Variants in ACSF3 observed in about 807,000 individuals in gnomAD.
The protein encoded by ACSF3 is malonate--CoA ligase ACSF3, mitochondrial.
ACSF3 carries 78 observed loss-of-function variants against 53.2 expected under a neutral mutation model. The observed-to-expected ratio is 1.47, with a 90% confidence interval of 1.22 to 1.77. The LOEUF (loss-of-function observed/expected upper bound fraction) is 1.77. ACSF3 is among the 40% of genes most tolerant of loss of function. The pLI, the probability that ACSF3 is intolerant of heterozygous loss-of-function variation, is 0.00. For missense variants in ACSF3, 937 were observed against 771.1 expected (o/e 1.22, Z -2.55); for synonymous variants, 414 against 333.1 (o/e 1.24, Z -2.65).
At chr16:89,140,340 G>T (rs879493392) in intron 8 of ACSF3, among the ~76,000 whole-genome samples, 9 of 152,162 alleles carry the variant, frequency 5.9e-5, no homozygotes, top group Non-Finnish European at 8.8e-5. Flanking sequence ...ACACACACAG[G>T]CACCTGTTCC....
chr16:89,106,856 G>A lies in ACSF3; in HGVS notation c.822+4097G>A, dbSNP rs574824690. 7.9e-4 allele frequency among the ~76,000 whole-genome samples: 120 copies of A among 152,344 alleles called. 1 individual carries two copies. Among genetic ancestry groups the A allele is most frequent in the African/African-American group, 2.6e-3 (108 of 41,588 alleles). On this transcript the variant is annotated intron_variant, in intron 4 of 10. Transcript: ENST00000614302. ...AGTCATCCTGCACAGAGGGCCGTGG[G>A]TGTCAGTGCCTGCAGGTGACGGATG...
intron 10 of ACSF3, chr16:89,151,108 G>A (rs950823942): frequency 1.3e-5 from 15 of 1,188,302 alleles, no homozygotes; most frequent in Non-Finnish European, 1.7e-5. Flanking sequence ...TCAGGCATGC[G>A]GGCTCTGACG....
intron 10 of ACSF3, chr16:89,153,374 C>G (rs1420445339): frequency 6.4e-6 from 1 of 155,264 alleles, no homozygotes; most frequent in Non-Finnish European, 1.4e-5. Context: ...GTTTCAGATC[C>G]CAGCGCCTCG....
Position 89,154,064 on chromosome 16 carries a change from G to A in ACSF3, c.1614-26G>A, listed in dbSNP as rs377349317. ...CTGCTGGGCACTGTCAGGGCAGTGC[G>A]CCTCAGGCTGTGCTTGTCTCTGCAG... On this transcript the variant is annotated intron_variant, in intron 10 of 10. Coordinates refer to ENST00000614302, the MANE Select transcript of ACSF3 (RefSeq NM_001243279.3). 128 of 1,605,610 alleles carry A rather than the reference G, an allele frequency of 8.0e-5. 1 individual carries two copies. The Middle Eastern group carries it at 8.3e-4, about 10-fold the overall frequency.
chr16:89,098,964 G>A (rs971289460), intron 2 of ACSF3, among the ~76,000 whole-genome samples: 7 of 152,320 alleles, frequency 4.6e-5, no homozygotes, highest in East Asian at 3.9e-4. Context: ...ACTACGCTTC[G>A]GCCACAGGCC....
rs567813723 is a variant in ACSF3 at position 89,139,008 on chromosome 16, G to T, written c.1366+5746G>T. Among the ~76,000 whole-genome samples, 415 of 152,300 alleles carry T rather than the reference G, an allele frequency of 2.7e-3. 1 individual carries two copies. The highest frequency in any genetic ancestry group is 9.6e-3 in the African/African-American group (399 of 41,562). Reference sequence around the variant, plus strand: ...GTGCGGTCCCCGCATCCCGAGGGCCGCCAGCACCGCCACCTCCAGGCTCCT... The same window carrying T: ...GTGCGGTCCCCGCATCCCGAGGGCCTCCAGCACCGCCACCTCCAGGCTCCT... On this transcript the variant is annotated intron_variant, in intron 8 of 10. Transcript: ENST00000614302.
In ACSF3 at chr16:89,133,205, T is replaced by C. The variant is rs1188211823; in HGVS notation, c.1309T>C (p.Trp437Arg). 6.2e-7 allele frequency: 1 copy of C among 1,613,978 alleles called. No homozygotes were observed. The highest frequency in any genetic ancestry group is 8.5e-7 in the Non-Finnish European group (1 of 1,180,032). The stretch of plus-strand genomic sequence containing the variant: ...GGGACCCTCCGTGTTTCGAGAATAC[T>C]GGAATAAACCAGAAGAAACTAAGAG... ...VRGPSVFREY[W>R]NKPEETKSAF... Residue 437 changes from tryptophan to arginine, a missense_variant, in exon 8 of 11, where the codon TGG becomes CGG. By Grantham distance (101) the Trp-to-Arg change is moderately radical. Coordinates refer to ENST00000614302, the MANE Select transcript of ACSF3 (RefSeq NM_001243279.3).
Position 89,114,320 on chromosome 16 carries a change from C to T in ACSF3, c.978-19C>T, listed in dbSNP as rs769697688. ...CCACGTCCCAAGGGGCTAAACCTGC[C>T]TTTGGTTGTGCCGCGTAGGCTGATG... On this transcript the variant is annotated intron_variant, in intron 5 of 10. Coordinates refer to ENST00000614302, the MANE Select transcript of ACSF3 (RefSeq NM_001243279.3). 37 of 1,613,830 alleles carry T rather than the reference C, an allele frequency of 2.3e-5. 1 individual carries two copies. The Middle Eastern group carries it at 8.2e-4, about 36-fold the overall frequency.
chr16:89,098,551 A>G (rs1157970747), intron 1 of ACSF3, 40 bp from the exon 2 acceptor site: 1 of 429,572 alleles, frequency 2.3e-6, no homozygotes, highest in East Asian at 7.2e-5. Flanking sequence ...GAAGCGTTAT[A>G]CACACAGCCT....
Position 89,100,724 on chromosome 16 carries a change from G to C in ACSF3, c.43G>C (p.Ala15Pro), listed in dbSNP as rs375374971. 1 of 1,603,014 alleles carries C rather than the reference G, an allele frequency of 6.2e-7. No individual in the cohort carries two copies. Among genetic ancestry groups the C allele is most frequent in the Non-Finnish European group, 8.5e-7 (1 of 1,179,588 alleles). ...GCTCACCTTCCGGCGCCTGGGCTGC[G>C]CCTTGGCGTCCTGCCGGCTGGCGCC... ...VVLTFRRLGC[A>P]LASCRLAPAR... is the part of the protein sequence containing the mutation. Residue 15 changes from alanine to proline, a missense_variant, in exon 3 of 11, where the codon GCC (alanine) becomes CCC (proline). Transcript: ENST00000614302.
Position 89,155,735 on chromosome 16 carries a change from A to G in ACSF3, c.*1528A>G, listed in dbSNP as rs901116417. The G allele has an allele frequency of 2.2e-6, 1 of 453,986 alleles. No homozygotes were observed. 28.1% of individuals were successfully genotyped at this position (453,986 alleles called of 1,614,324 possible). A position where few individuals can be genotyped will look rare whatever the true frequency, so the allele number is the denominator to read the frequency against. ...CTGTTGGGAAAAGGTCAAATTTAAC[A>G]TAGCAAAATTTTTACTTAATTCCAC... On this transcript the variant is annotated 3_prime_UTR_variant, in exon 11 of 11. Coordinates refer to ENST00000614302, the MANE Select transcript of ACSF3 (RefSeq NM_001243279.3).
intron 8 of ACSF3, among the ~76,000 whole-genome samples, chr16:89,133,956 T>C (rs1284448994): frequency 6.6e-6 from 1 of 152,188 alleles, no homozygotes; most frequent in African/African-American, 2.4e-5. Flanking sequence ...GAGCCTGCCC[T>C]GAGCTGCTGC....
rs887940731 is a variant in ACSF3 at position 89,156,027 on chromosome 16, A to G, written c.*1820A>G. Among the ~76,000 whole-genome samples, 2 of 152,302 alleles carry G rather than the reference A, an allele frequency of 1.3e-5. No individual in the cohort carries two copies. The highest frequency in any genetic ancestry group is 4.8e-5 in the African/African-American group (2 of 41,570). Reference sequence around the variant, plus strand: ...CCGGTTGACCAGAATACGGTGCTCCAAGGACATGCGGTTGAATGCCGTGTT... The same window carrying G: ...CCGGTTGACCAGAATACGGTGCTCCGAGGACATGCGGTTGAATGCCGTGTT... On this transcript the variant is annotated 3_prime_UTR_variant, in exon 11 of 11. Transcript: ENST00000614302.
chr16:89,124,454 G>A (rs150159036), intron 7 of ACSF3, among the ~76,000 whole-genome samples: 23 of 149,596 alleles, frequency 1.5e-4, no homozygotes, highest in African/African-American at 2.2e-4. Flanking sequence ...ATACCCGTGC[G>A]TACTCTGCGC....
In ACSF3 at chr16:89,100,723, C is replaced by T. The variant is rs756300619; in HGVS notation, c.42C>T (p.Cys14=). The change falls in exon 3 of 11, where the codon TGC becomes TGT. Residue 14 remains cysteine (C), a synonymous_variant. Coordinates refer to ENST00000614302, the MANE Select transcript of ACSF3 (RefSeq NM_001243279.3). ...HVVLTFRRLG[C]ALASCRLAPA... Reference sequence around the variant, plus strand: ...TGCTCACCTTCCGGCGCCTGGGCTGCGCCTTGGCGTCCTGCCGGCTGGCGC... The same window carrying T: ...TGCTCACCTTCCGGCGCCTGGGCTGTGCCTTGGCGTCCTGCCGGCTGGCGC... The T allele has an allele frequency of 3.1e-5, 49 of 1,602,930 alleles. No individual in the cohort carries two copies. The highest frequency in any genetic ancestry group is 2.8e-4 in the African/African-American group (21 of 74,932).
Position 89,146,007 on chromosome 16 carries a change from A to G in ACSF3, c.1571A>G (p.Glu524Gly), listed in dbSNP as rs755493108. The G allele has an allele frequency of 1.2e-6, 2 of 1,605,356 alleles. No homozygotes were observed. The highest frequency in any genetic ancestry group is 1.7e-6 in the Non-Finnish European group (2 of 1,174,874). ...GTCACTGCTGTGGTGACCCTCCGAG[A>G]AGGACACTCACTGTCCCACAGGGAG... The part of the protein sequence containing the change: ...QRVTAVVTLR[E>G]GHSLSHRELK... Residue 524 changes from glutamate (E) to glycine (G), a missense_variant, in exon 10 of 11, where the codon GAA (glutamate) becomes GGA (glycine). Coordinates refer to ENST00000614302, the MANE Select transcript of ACSF3 (RefSeq NM_001243279.3).
Position 89,122,009 on chromosome 16 carries a change from C to T in ACSF3, c.1239+1096C>T, listed in dbSNP as rs543164851. Among the ~76,000 whole-genome samples the T allele has an allele frequency of 7.3e-5, 11 of 151,414 alleles. No individual in the cohort carries two copies. In the South Asian group the frequency reaches 1.5e-3, roughly 20 times the overall value. On this transcript the variant is annotated intron_variant, in intron 7 of 10. Transcript: ENST00000614302. ...TGGGCCCCCCGCAGTGGGCTGTTAT[C>T]CCCCGTGGCCCTGAAGTGGGTATTC...
rs370947288 is a variant in ACSF3, at chr16:89,154,199, C to T, written c.1723C>T (p.Pro575Ser). ...DKKALIRHFHPS is the reference protein window; with the variant it reads ...DKKALIRHFHSS ...GAAGGCGCTCATCAGGCACTTCCAC[C>T]CCTCATGACCCGGCAGACTGGGACT... is the stretch of plus-strand genomic sequence containing the variant. Residue 575 changes from proline (P) to serine (S), a missense_variant, in exon 11 of 11, where the codon CCC becomes TCC. Physicochemically the swap from Pro to Ser is moderately conservative, Grantham distance 74. Coordinates refer to ENST00000614302, the MANE Select transcript of ACSF3 (RefSeq NM_001243279.3). The T allele has an allele frequency of 1.9e-6, 3 of 1,613,358 alleles. No homozygotes were observed. Among genetic ancestry groups the T allele is most frequent in the Admixed American group, 1.7e-5 (1 of 59,964 alleles).
chr16:89,131,874 T>G (rs975947071), intron 7 of ACSF3, among the ~76,000 whole-genome samples: 1 of 152,262 alleles, frequency 6.6e-6, no homozygotes, highest in African/African-American at 2.4e-5. Flanking sequence ...GGAGTTAGGC[T>G]GGGCACTGCA....
Sources: gnomAD v4.1 joint callset for allele counts (sites outside exome capture counted in the v4.1 genomes callset) on GRCh38, gnomAD v4.1.1 for gene constraint, MANE v1.5 for transcripts, NCBI Gene and HGNC (gene_info 2026-07-23, HGNC 2026-07-21) for gene names.